PTPRG: variants seen among roughly 807,000 people sequenced by gnomAD.
The protein encoded by PTPRG is protein tyrosine phosphatase receptor type G.
PTPRG carries 102 observed loss-of-function variants against 165.3 expected under a neutral mutation model. The observed-to-expected ratio is 0.62, with a 90% CI of 0.53 to 0.73. PTPRG has a LOEUF of 0.73. Ranked by LOEUF, PTPRG falls within the 30% of genes least tolerant of loss-of-function variation. The probability of loss-of-function intolerance (pLI) is 0.00; values close to 1 mark genes in which losing one functional copy is unlikely to be tolerated. For synonymous variants in PTPRG, 675 were observed against 669.5 expected, an observed-to-expected ratio of 1.01 and a Z score of -0.13; for missense variants, 1,866 against 1,861.4, an observed-to-expected ratio of 1.00 and a Z score of -0.05.
chr3:61,806,563 G>T (rs1011117444), intron 2 of PTPRG, among the ~76,000 whole-genome samples: 1 of 150,718 alleles, frequency 6.6e-6, no homozygotes, highest in Non-Finnish European at 1.5e-5. Flanking sequence ...TGTACTTCTG[G>T]ATTTATATTG....
At chr3:62,249,907 T>C (rs1350981716) in intron 15 of PTPRG, among the ~76,000 whole-genome samples, 2 of 152,210 alleles carry the variant, frequency 1.3e-5, no homozygotes, top group Non-Finnish European at 2.9e-5. Flanking sequence ...GCCCTATTAC[T>C]TGATAATGAC....
chr3:61,875,407 G>C (rs1186176415), intron 2 of PTPRG, among the ~76,000 whole-genome samples: 1 of 152,052 alleles, frequency 6.6e-6, no homozygotes, highest in Non-Finnish European at 1.5e-5. Context: ...TCTTTTAAAG[G>C]AATCATAATG....
chr3:61,976,716 C>T lies in PTPRG; in HGVS notation c.191-12909C>T, dbSNP rs568156411. Among the ~76,000 whole-genome samples, 4 of 151,182 alleles carry T rather than the reference C, an allele frequency of 2.6e-5. No individual in the cohort carries two copies. In the South Asian group the frequency reaches 8.4e-4, roughly 32 times the overall value. ...TTGAGAGGGAGTCTCGGTGTCTTGCCCAGGCTGGCATCCAGTGGCACGATC... is the reference window on the plus strand; with the variant it reads ...TTGAGAGGGAGTCTCGGTGTCTTGCTCAGGCTGGCATCCAGTGGCACGATC... On this transcript the variant is annotated intron_variant, in intron 2 of 29. Transcript: ENST00000474889.
Position 61,778,831 on chromosome 3 carries a change from A to G in PTPRG, c.190+29849A>G, listed in dbSNP as rs75982579. On this transcript the variant is annotated intron_variant, in intron 2 of 29. Coordinates refer to ENST00000474889, the MANE Select transcript of PTPRG (RefSeq NM_002841.4). ...GAAAGAATTCCAGGCAGAGGGACCA[A>G]CAAGTATCAGGACCACGTGGTGGGA... 1.0e-3 allele frequency among the ~76,000 whole-genome samples: 152 copies of G among 152,252 alleles called. No individual in the cohort carries two copies. The Middle Eastern group carries it at 0.014, about 14-fold the overall frequency.
chr3:61,698,583 C>T (rs909570892), intron 1 of PTPRG, among the ~76,000 whole-genome samples: 3 of 152,152 alleles, frequency 2.0e-5, no homozygotes, highest in African/African-American at 7.2e-5. Flanking sequence ...CTAATCCTTA[C>T]GTAGCAGTGG....
chr3:62,243,738 G>T (rs1309817121), intron 14 of PTPRG, 69 bp from the exon 15 acceptor site: 2 of 978,858 alleles, frequency 2.0e-6, no homozygotes, highest in African/African-American at 1.7e-5. Flanking sequence ...TATAAAATAA[G>T]AATTAAAAGA....
Position 62,273,843 on chromosome 3 carries a change from A to G in PTPRG, c.3464A>G (p.Lys1155Arg), listed in dbSNP as rs763422985. The G allele has an allele frequency of 8.7e-6, 14 of 1,612,870 alleles. No individual in the cohort carries two copies. Among genetic ancestry groups the G allele is most frequent in the Non-Finnish European group, 1.1e-5 (13 of 1,179,226 alleles). ...AAGACACGACTGGAAAAGCAATTCA[A>G]GGTAGTGCTTTGAAAAAGTTTCTTT... ...GGKTRLEKQF[K>R]LVTQCNAKYV... is the part of the protein sequence containing the mutation. The change falls in exon 23 of 30, where the codon AAG (lysine) becomes AGG (arginine). Residue 1155 changes from lysine (K) to arginine (R), a missense_variant and splice_region_variant. This residue lies in a region of PTPRG where 1,452 missense variants were observed against 1,463.0 expected (regional missense o/e 0.99). Coordinates refer to ENST00000474889, the MANE Select transcript of PTPRG (RefSeq NM_002841.4). The surrounding 1 kb of genome is among the most constrained non-coding windows in gnomAD (Gnocchi z 4.1).
At chr3:62,064,564 C>G (rs1700940330) in intron 4 of PTPRG, among the ~76,000 whole-genome samples, 2 of 151,954 alleles carry the variant, frequency 1.3e-5, no homozygotes. Flanking sequence ...TCCCCTGATG[C>G]CATCGATGGT....
At chr3:62,088,320 C>A (rs1484637143) in intron 5 of PTPRG, among the ~76,000 whole-genome samples, 1 of 152,172 alleles carries the variant, frequency 6.6e-6, no homozygotes, top group Non-Finnish European at 1.5e-5. Context: ...TGGTCATCAA[C>A]TAGCTAAGTG....
intron 1 of PTPRG, among the ~76,000 whole-genome samples, chr3:61,622,114 C>T (rs932660414): frequency 3.9e-5 from 6 of 152,152 alleles, no homozygotes; most frequent in Admixed American, 6.5e-5. Flanking sequence ...TTCCTTTTCC[C>T]GCCTAAGTTA....
rs1260134848 is a variant in PTPRG at position 62,237,302 on chromosome 3, G to GT, written c.2375+5994dup. Among the ~76,000 whole-genome samples the GT allele has an allele frequency of 1.3e-5, 2 of 152,000 alleles. No individual in the cohort carries two copies. The highest frequency in any genetic ancestry group is 2.9e-5 in the Non-Finnish European group (2 of 67,982). Reference sequence around the variant, plus strand: ...CAGAAGTCTAGAGGTTTTTTTGTTTGTTTGTTTTGGTTATTTTGCTACATT... The same window carrying GT: ...CAGAAGTCTAGAGGTTTTTTTGTTTGTTTTGTTTTGGTTATTTTGCTACATT... On this transcript the variant is annotated intron_variant, in intron 14 of 29. Coordinates refer to ENST00000474889, the MANE Select transcript of PTPRG (RefSeq NM_002841.4). The surrounding 1 kb of genome is among the most constrained non-coding windows in gnomAD (Gnocchi z 4.5).
At chr3:61,692,201 T>G (rs2030260798) in intron 1 of PTPRG, among the ~76,000 whole-genome samples, 1 of 152,262 alleles carries the variant, frequency 6.6e-6, no homozygotes, top group African/African-American at 2.4e-5. Context: ...GCACGTAAGT[T>G]GCAAATAGCA....
At chr3:61,656,351 A>G (rs1702509584) in intron 1 of PTPRG, among the ~76,000 whole-genome samples, 1 of 152,192 alleles carries the variant, frequency 6.6e-6, no homozygotes, top group South Asian at 2.1e-4. Context: ...CTCAGGGATT[A>G]GCAAATTTAG....
rs145136197 is a variant in PTPRG at position 61,795,639 on chromosome 3, CAAAAAAAAAAA to C, written c.190+46675_190+46685del. On this transcript the variant is annotated intron_variant, in intron 2 of 29. Coordinates refer to ENST00000474889, the MANE Select transcript of PTPRG (RefSeq NM_002841.4). ...TGGGTGACAGAGCAAGACTCCGTCT[CAAAAAAAAAAA>C]AAAAAAAAAAAAAAAAAGTGGGAAT... 3.0e-4 allele frequency among the ~76,000 whole-genome samples: 18 copies of C among 59,450 alleles called. No individual in the cohort carries two copies. In the East Asian group the frequency reaches 3.5e-3, roughly 11 times the overall value. 39.0% of individuals were successfully genotyped at this position (59,450 alleles called of 152,430 possible).
At chr3:61,876,633 G>T (rs1473789824) in intron 2 of PTPRG, among the ~76,000 whole-genome samples, 4 of 152,132 alleles carry the variant, frequency 2.6e-5, no homozygotes, top group Non-Finnish European at 5.9e-5. Context: ...TCCGGGCTGG[G>T]CGTGGTGGCT....
intron 4 of PTPRG, among the ~76,000 whole-genome samples, chr3:62,020,013 T>C (rs1331869672): frequency 6.6e-6 from 1 of 152,108 alleles, no homozygotes; most frequent in Non-Finnish European, 1.5e-5. Flanking sequence ...ATAGAAATAA[T>C]TTTAGGAGTA....
At chr3:61,899,711 T>C (rs988563770) in intron 2 of PTPRG, among the ~76,000 whole-genome samples, 1 of 152,082 alleles carries the variant, frequency 6.6e-6, no homozygotes, top group Admixed American at 6.5e-5. Flanking sequence ...ATTCAGTAGA[T>C]TTGGGGGCAG....
intron 5 of PTPRG, among the ~76,000 whole-genome samples, chr3:62,092,934 G>A (rs1701990381): frequency 6.6e-6 from 1 of 152,186 alleles, no homozygotes; most frequent in African/African-American, 2.4e-5. Flanking sequence ...ACAGGTTTGT[G>A]ATGTGTTACT....
intron 2 of PTPRG, among the ~76,000 whole-genome samples, chr3:61,962,717 TA>T (rs762133407): frequency 4.7e-5 from 7 of 148,104 alleles, no homozygotes; most frequent in Non-Finnish European, 8.9e-5. Flanking sequence ...ATCATACTTA[TA>T]GTAAGCATTT....
Sources: gnomAD v4.1 joint callset for allele counts (sites outside exome capture counted in the v4.1 genomes callset) on GRCh38, gnomAD v4.1.1 for gene constraint, gnomAD v4.1.1 regional missense constraint, Gnocchi (gnomAD v3.1) non-coding constraint, MANE v1.5 for transcripts, NCBI Gene and HGNC (gene_info 2026-07-23, HGNC 2026-07-21) for gene names.